The following C1orf167 variants were observed in gnomAD, a reference collection of about 807,000 sequenced individuals.
The protein encoded by C1orf167 is uncharacterized protein C1orf167.
A neutral mutation model predicts 176.5 loss-of-function variants in C1orf167; 153 were observed. The observed-to-expected ratio is 0.87, with a 90% CI of 0.76 to 0.99. The LOEUF is 0.99. Ranked by LOEUF, C1orf167 falls within the 50% of genes least tolerant of loss-of-function variation. The pLI is 0.00. For missense variants in C1orf167, 1,490 were observed against 1,817.7 expected, an observed-to-expected ratio of 0.82 and a Z score of 3.28; for synonymous variants, 594 against 752.7, an observed-to-expected ratio of 0.79 and a Z score of 3.45.
rs1366344414 is a variant in C1orf167, at chr1:11,788,255, G to C, written c.3955G>C (p.Ala1319Pro). The change falls in exon 19 of 21, where the codon GCA becomes CCA. Residue 1319 changes from alanine to proline, a missense_variant. By Grantham distance (27) the Ala-to-Pro change is conservative (BLOSUM62 -1). Coordinates refer to ENST00000688073, the MANE Select transcript of C1orf167 (RefSeq NM_001010881.2). ...DALGHQEEVP[A>P]APVPRGTASR... is the part of the protein sequence containing the mutation. ...TCTTGGCCATCAGGAGGAAGTACCT[G>C]CAGCGCCGGTGCCTCGAGGCACTGC... 7.7e-7 allele frequency: 1 copy of C among 1,303,886 alleles called. No homozygotes were observed. Among genetic ancestry groups the C allele is most frequent in the Non-Finnish European group, 1.0e-6 (1 of 988,638 alleles). 80.8% of individuals were successfully genotyped at this position (1,303,886 alleles called of 1,614,324 possible). A position where few individuals can be genotyped will look rare whatever the true frequency, so the allele number is the denominator to read the frequency against.
rs752100185 is a variant in C1orf167 at position 11,788,729 on chromosome 1, A to G, written c.4156A>G (p.Thr1386Ala). 2.3e-6 allele frequency: 3 copies of G among 1,304,216 alleles called. No homozygotes were observed. The highest frequency in any genetic ancestry group is 3.0e-6 in the Non-Finnish European group (3 of 988,942). The allele number at this position is 1,304,216 out of a possible 1,614,324, so 80.8% of individuals were successfully genotyped here. A position where few individuals can be genotyped will look rare whatever the true frequency, so the allele number is the denominator to read the frequency against. Reference protein sequence around the residue: ...DPATASGSAVTAAGRWAFKKW... With the variant: ...DPATASGSAVAAAGRWAFKKW... ...TGCGACTGCGAGTGGCTCAGCAGTT[A>G]CAGCAGCAGGAAGATGGGTGGGTCC... The change falls in exon 20 of 21, where the codon ACA becomes GCA. Residue 1386 changes from threonine to alanine, a missense_variant. Thr to Ala is a moderately conservative substitution (Grantham distance 58). Coordinates refer to ENST00000688073, the MANE Select transcript of C1orf167 (RefSeq NM_001010881.2).
chr1:11,763,213 G>A (rs1023341460), intron 1 of C1orf167, among the ~76,000 whole-genome samples: 1 of 152,210 alleles, frequency 6.6e-6, no homozygotes, highest in African/African-American at 2.4e-5. Context: ...GCCGAGGCGG[G>A]CCAATCACCT....
intron 15 of C1orf167, 141 bp downstream of exon 15, chr1:11,784,734 G>A: frequency 1.1e-6 from 1 of 949,274 alleles, no homozygotes; most frequent in Non-Finnish European, 1.4e-6. Flanking sequence ...GACAGGGAGA[G>A]GCCGCCCTGG....
intron 10 of C1orf167, 22 bp from the exon 11 acceptor site, chr1:11,778,638 C>A: frequency 7.8e-7 from 1 of 1,278,484 alleles, no homozygotes; most frequent in Non-Finnish European, 1.0e-6. Context: ...CTGGGTGGGT[C>A]ACTCACCTGC....
Position 11,767,036 on chromosome 1 carries a change from G to A in C1orf167, c.1250G>A (p.Arg417Lys). The A allele has an allele frequency of 3.3e-6, 4 of 1,221,978 alleles. No homozygotes were observed. Among genetic ancestry groups the A allele is most frequent in the Non-Finnish European group, 4.2e-6 (4 of 954,304 alleles). 75.7% of individuals were successfully genotyped at this position (1,221,978 alleles called of 1,614,324 possible). A position where few individuals can be genotyped will look rare whatever the true frequency, so the allele number is the denominator to read the frequency against. ...PRERVHREEE[R>K]TAFHLSDTVP... ...GAGCGGGTCCACAGGGAGGAGGAGAGGACAGCTTTCCATCTGTCAGACACA... is the reference window on the plus strand; with the variant it reads ...GAGCGGGTCCACAGGGAGGAGGAGAAGACAGCTTTCCATCTGTCAGACACA... The change falls in exon 3 of 21, where the codon AGG becomes AAG. Residue 417 changes from arginine (R) to lysine (K), a missense_variant. Arg to Lys is a conservative substitution (Grantham distance 26). Transcript: ENST00000688073.
intron 19 of C1orf167, 76 bp from the exon 20 acceptor site, chr1:11,788,576 G>A: frequency 8.2e-7 from 1 of 1,220,288 alleles, no homozygotes; most frequent in Non-Finnish European, 1.1e-6. Context: ...GCAGTGTCGG[G>A]GGAGAAAGGC....
Position 11,788,127 on chromosome 1 carries a change from C to T in C1orf167, c.3849-22C>T, listed in dbSNP as rs539472116. The T allele has an allele frequency of 2.6e-5, 33 of 1,278,146 alleles. No individual in the cohort carries two copies. The East Asian group carries it at 1.9e-3, about 73-fold the overall frequency. The allele number at this position is 1,278,146 out of a possible 1,614,324, so 79.2% of individuals were successfully genotyped here. On this transcript the variant is annotated intron_variant, in intron 18 of 20. Transcript: ENST00000688073. ...GAGGGGCTTGCCTGAGCCATGGCTA[C>T]AGCTGGGCCCTCTCTGGCCAGTGCT...
chr1:11,764,373 G>A lies in C1orf167; in HGVS notation c.-28G>A, dbSNP rs1642684948. The A allele has an allele frequency of 1.6e-6, 2 of 1,287,618 alleles. No homozygotes were observed. The highest frequency in any genetic ancestry group is 2.0e-6 in the Non-Finnish European group (2 of 987,360). The allele number at this position is 1,287,618 out of a possible 1,614,324, so 79.8% of individuals were successfully genotyped here. Reference sequence around the variant, plus strand: ...AGACCAGGCCACTCACTGTGGAGTGGACCAAGGATACTCCTGTCCCTGAGC... The same window carrying A: ...AGACCAGGCCACTCACTGTGGAGTGAACCAAGGATACTCCTGTCCCTGAGC... On this transcript the variant is annotated 5_prime_UTR_variant, in exon 2 of 21. Coordinates refer to ENST00000688073, the MANE Select transcript of C1orf167 (RefSeq NM_001010881.2).
chr1:11,787,748 GGCACAAGGCTAA>G, intron 17 of C1orf167, 113 bp from the exon 18 acceptor site: 1 of 1,154,202 alleles, frequency 8.7e-7, no homozygotes, highest in Non-Finnish European at 1.1e-6. Flanking sequence ...ATGGGGGCAG[GGCACAAGGCTAA>G]GCTCAGCACC....
intron 8 of C1orf167, 29 bp downstream of exon 8, chr1:11,772,288 T>C (rs1467014985): frequency 7.7e-7 from 1 of 1,291,426 alleles, no homozygotes; most frequent in Non-Finnish European, 1.0e-6. Context: ...TTTTTTGAGA[T>C]GAGGTCTCAC....
At chr1:11,781,247 C>T (rs960329011) in intron 13 of C1orf167, among the ~76,000 whole-genome samples, 1 of 152,048 alleles carries the variant, frequency 6.6e-6, no homozygotes, top group Non-Finnish European at 1.5e-5. Flanking sequence ...ATCAACCCGC[C>T]TCGGCCTTCC....
chr1:11,776,363 G>T (rs557249523), intron 9 of C1orf167, 101 bp from the exon 10 acceptor site: 9 of 1,087,024 alleles, frequency 8.3e-6, no homozygotes, highest in Non-Finnish European at 1.2e-6. Flanking sequence ...GGACAAGAGG[G>T]GAGAGCTCCC....
At chr1:11,786,195 G>A (rs4846048) in intron 16 of C1orf167, 103,133 of 152,126 alleles carry the variant, frequency 0.68, 35,720 homozygotes, top group East Asian at 0.9. Flanking sequence ...ACACCAACAA[G>A]TGGTGATAAG....
At chr1:11,769,674 GTT>G (rs70983593) in intron 6 of C1orf167, among the ~76,000 whole-genome samples, 4 of 142,156 alleles carry the variant, frequency 2.8e-5, no homozygotes, top group African/African-American at 5.2e-5. Context: ...TGTTTAGGAA[GTT>G]TTTTTTTTTT....
At chr1:11,786,334 C>T (rs1643867980) in intron 16 of C1orf167, 1 of 152,208 alleles carries the variant, frequency 6.6e-6, no homozygotes, top group African/African-American at 2.4e-5. Flanking sequence ...GAGGTAGTGT[C>T]CCTAAGATCA....
At position 11,772,064 on chromosome 1, in the gene C1orf167, T is replaced by C. The variant is rs866633515; in HGVS notation, c.1811-18T>C. The C allele has an allele frequency of 1.0e-5, 13 of 1,293,262 alleles. No homozygotes were observed. In the Middle Eastern group the frequency reaches 1.3e-3, roughly 129 times the overall value. 80.1% of individuals were successfully genotyped at this position (1,293,262 alleles called of 1,614,324 possible). ...CTGCTTACTCTCTCTTTTCTCTCCC[T>C]CCTCCCTCTCTCCTTAGTGTTCTTC... On this transcript the variant is annotated intron_variant, in intron 7 of 20. Transcript: ENST00000688073.
At position 11,766,186 on chromosome 1, in the gene C1orf167, C is replaced by A. The variant is rs1184764388; in HGVS notation, c.400C>A (p.His134Asn). ...GAGCATCAACGAGACCAGCAGCCCC[C>A]ACCTCTGCCCAGAGCCTGGGGGAAG... ...NLSINETSSPHLCPEPGGSSG... is the reference protein window; with the variant it reads ...NLSINETSSPNLCPEPGGSSG... The change falls in exon 3 of 21, where the codon CAC becomes AAC. Residue 134 changes from histidine to asparagine, a missense_variant. Transcript: ENST00000688073. This position sits in a 1 kb window ranked among gnomAD's most constrained non-coding sequence, Gnocchi z 4.5. 7 of 1,289,658 alleles carry A rather than the reference C, an allele frequency of 5.4e-6. No individual in the cohort carries two copies. Among genetic ancestry groups the A allele is most frequent in the Non-Finnish European group, 1.0e-6 (1 of 988,834 alleles). 79.9% of individuals were successfully genotyped at this position (1,289,658 alleles called of 1,614,324 possible).
At position 11,784,548 on chromosome 1, in the gene C1orf167, G is replaced by A. The variant is rs1006764538; in HGVS notation, c.3380G>A (p.Arg1127Gln). Residue 1127 changes from arginine to glutamine, a missense_variant, in exon 15 of 21, where the codon CGG becomes CAG. Physicochemically the swap from Arg to Gln is conservative, Grantham distance 43. Coordinates refer to ENST00000688073, the MANE Select transcript of C1orf167 (RefSeq NM_001010881.2). ...GCTCTGTGGGTGCATGAGTCCTGTC[G>A]GGGCCAGGTCAGCCGAGCCCATGCT... ...CWALWVHESC[R>Q]GQVSRAHASW... 116 of 1,288,546 alleles carry A rather than the reference G, an allele frequency of 9.0e-5. No individual in the cohort carries two copies. The highest frequency in any genetic ancestry group is 1.1e-4 in the East Asian group (2 of 17,790). 79.8% of individuals were successfully genotyped at this position (1,288,546 alleles called of 1,614,324 possible). A position where few individuals can be genotyped will look rare whatever the true frequency, so the allele number is the denominator to read the frequency against.
rs1176444757 is a variant in C1orf167 at position 11,788,342 on chromosome 1, G to A, written c.4042G>A (p.Gly1348Arg). ...VPGSGMAALG[G>R]CPRGRAAGAD... ...TGGCAGTGGCATGGCAGCACTGGGT[G>A]GATGCCCAAGGGGCAGAGCAGCTGG... The change falls in exon 19 of 21, where the codon GGA becomes AGA. Residue 1348 changes from glycine to arginine, a missense_variant. Transcript: ENST00000688073. 3.8e-6 allele frequency: 5 copies of A among 1,300,566 alleles called. No homozygotes were observed. Among genetic ancestry groups the A allele is most frequent in the Non-Finnish European group, 5.1e-6 (5 of 986,784 alleles). The allele number at this position is 1,300,566 out of a possible 1,614,324, so 80.6% of individuals were successfully genotyped here. A position where few individuals can be genotyped will look rare whatever the true frequency, so the allele number is the denominator to read the frequency against.
Sources: gnomAD v4.1 joint callset for allele counts (sites outside exome capture counted in the v4.1 genomes callset) on GRCh38, gnomAD v4.1.1 for gene constraint, Gnocchi (gnomAD v3.1) non-coding constraint, MANE v1.5 for transcripts, NCBI Gene and HGNC (gene_info 2026-07-23, HGNC 2026-07-21) for gene names.